The following ULK2 variants were observed in gnomAD, a reference collection of about 807,000 sequenced individuals.
ULK2 encodes the protein serine/threonine-protein kinase ULK2.
Under a neutral mutation model 127.5 loss-of-function variants are expected in ULK2, and 76 were observed. That is an observed-to-expected ratio of 0.60 (90% CI 0.50 to 0.72). The LOEUF (loss-of-function observed/expected upper bound fraction) is 0.72. Among genes scored for constraint, ULK2 ranks in the 30% least tolerant of loss-of-function variants. The probability of loss-of-function intolerance (pLI) is 0.00; values close to 1 mark genes in which losing one functional copy is unlikely to be tolerated. For synonymous variants in ULK2, 452 were observed against 461.9 expected, an observed-to-expected ratio of 0.98 and a Z score of 0.28; for missense variants, 1,144 against 1,295.9, an observed-to-expected ratio of 0.88 and a Z score of 1.80.
In ULK2 at chr17:19,867,839, G is replaced by T. The variant is rs1047710629; in HGVS notation, c.-422C>A. The T allele has an allele frequency of 6.6e-6, 1 of 150,964 alleles. No individual in the cohort carries two copies. Among genetic ancestry groups the T allele is most frequent in the African/African-American group, 2.4e-5 (1 of 41,294 alleles). The allele number at this position is 150,964 out of a possible 1,614,324, so 9.4% of individuals were successfully genotyped here. A position where few individuals can be genotyped will look rare whatever the true frequency, so the allele number is the denominator to read the frequency against. On this transcript the variant is annotated 5_prime_UTR_variant, in exon 1 of 27. Coordinates refer to ENST00000395544, the MANE Select transcript of ULK2 (RefSeq NM_014683.4). ...CTCGGGGCGCTGCTGCGACGGCGAC[G>T]GCCGCCGCCCTAGAACCCGCACCGC... is the stretch of plus-strand genomic sequence containing the variant.
At chr17:19,830,364 C>T (rs892539059) in intron 10 of ULK2, among the ~76,000 whole-genome samples, 1 of 152,072 alleles carries the variant, frequency 6.6e-6, no homozygotes, top group African/African-American at 2.4e-5. Flanking sequence ...CTACACCCAG[C>T]TAATTTTTAA....
intron 2 of ULK2, among the ~76,000 whole-genome samples, 195 bp from the exon 3 acceptor site, chr17:19,865,039 G>T (rs1055916130): frequency 6.6e-6 from 1 of 151,988 alleles, no homozygotes. Context: ...AAGAAAATAT[G>T]ATTTTTAGCT....
At chr17:19,818,195 C>T (rs886428621) in intron 12 of ULK2, among the ~76,000 whole-genome samples, 4 of 151,892 alleles carry the variant, frequency 2.6e-5, no homozygotes, top group Admixed American at 2.0e-4. Flanking sequence ...TGACGGCGGG[C>T]GCCTGTAGTC....
chr17:19,865,078 T>C (rs2042324948), intron 2 of ULK2, among the ~76,000 whole-genome samples: 1 of 152,070 alleles, frequency 6.6e-6, no homozygotes, highest in Admixed American at 6.6e-5. Context: ...AAAAAAGAGC[T>C]CTCCACAGGA....
intron 23 of ULK2, among the ~76,000 whole-genome samples, chr17:19,781,440 G>T (rs752172352): frequency 5.1e-4 from 78 of 151,866 alleles, no homozygotes; most frequent in Admixed American, 9.2e-4. Flanking sequence ...TAGAGACAGG[G>T]ATTCATCATA....
chr17:19,863,084 G>A (rs1015809008), intron 3 of ULK2, among the ~76,000 whole-genome samples: 2 of 152,152 alleles, frequency 1.3e-5, no homozygotes, highest in South Asian at 4.2e-4. Context: ...CTTGGTGGCA[G>A]GCGCCTATAA....
At chr17:19,784,513 CTTTTTTTTTTTTTT>C (rs563736244) in intron 21 of ULK2, among the ~76,000 whole-genome samples, 4 of 45,098 alleles carry the variant, frequency 8.9e-5, no homozygotes, top group South Asian at 1.8e-3. Flanking sequence ...GGACATGATA[CTTTTTTTTTTTTTT>C]TTTTTTTTTT....
intron 5 of ULK2, chr17:19,848,361 A>G (rs891983155): frequency 1.3e-5 from 2 of 152,236 alleles, no homozygotes. Context: ...ATTTGTAAAT[A>G]AGAGAGAAAT....
At chr17:19,782,166 C>T in intron 22 of ULK2, 99 bp from the exon 23 acceptor site, 2 of 1,199,302 alleles carry the variant, frequency 1.7e-6, no homozygotes, top group Non-Finnish European at 2.3e-6. Context: ...GTTTTCTATA[C>T]TTATGAGTAT....
chr17:19,811,678 G>A (rs1311028083), intron 13 of ULK2, among the ~76,000 whole-genome samples: 1 of 152,088 alleles, frequency 6.6e-6, no homozygotes, highest in Non-Finnish European at 1.5e-5. Flanking sequence ...CTGACCTCAA[G>A]TGATCTGCCC....
chr17:19,866,509 A>AAAAT (rs562763958), intron 1 of ULK2, among the ~76,000 whole-genome samples: 37 of 152,254 alleles, frequency 2.4e-4, no homozygotes, highest in Admixed American at 7.2e-4. Context: ...CTCTGTCTCA[A>AAAAT]AAATAAATAA....
chr17:19,831,348 G>C (rs544578582), intron 10 of ULK2, among the ~76,000 whole-genome samples: 1 of 152,050 alleles, frequency 6.6e-6, no homozygotes, highest in South Asian at 2.1e-4. Flanking sequence ...GATGAGATCT[G>C]GGTGGGACAC....
At chr17:19,814,433 T>TATATAC (rs2040923196) in intron 13 of ULK2, among the ~76,000 whole-genome samples, 2 of 24,000 alleles carry the variant, frequency 8.3e-5, no homozygotes, top group African/African-American at 3.5e-4. Flanking sequence ...TATATATATA[T>TATATAC]ATATATTTTT....
rs549112646 is a variant in ULK2 at position 19,833,546 on chromosome 17, TA to T, written c.787+4954del. Among the ~76,000 whole-genome samples, 322 of 151,776 alleles carry T rather than the reference TA, an allele frequency of 2.1e-3. 1 individual carries two copies. The highest frequency in any genetic ancestry group is 7.5e-3 in the African/African-American group (310 of 41,388). ...CCACATGGTGAAACCCCGACTCTAT[TA>T]AAAACACAAAAAATTAGCTGGGCAT... On this transcript the variant is annotated intron_variant, in intron 10 of 26. Coordinates refer to ENST00000395544, the MANE Select transcript of ULK2 (RefSeq NM_014683.4).
At chr17:19,847,105 C>T (rs1165471331) in intron 5 of ULK2, among the ~76,000 whole-genome samples, 195 bp from the exon 6 acceptor site, 1 of 152,156 alleles carries the variant, frequency 6.6e-6, no homozygotes, top group Non-Finnish European at 1.5e-5. Context: ...TGTAGTCAAT[C>T]TGTTGTAAAG....
intron 12 of ULK2, among the ~76,000 whole-genome samples, chr17:19,821,428 TGG>T (rs11325637): frequency 1.3e-5 from 2 of 152,138 alleles, no homozygotes; most frequent in East Asian, 1.9e-4. Context: ...TTTTTTGTTT[TGG>T]GGGGGGCCTA....
At chr17:19,823,478 A>AT (rs1315648004) in intron 12 of ULK2, among the ~76,000 whole-genome samples, 1 of 151,936 alleles carries the variant, frequency 6.6e-6, no homozygotes, top group Non-Finnish European at 1.5e-5. Context: ...AGGCTCCTTT[A>AT]TGTTTGCTCT....
At chr17:19,825,768 C>T (rs890149693) in intron 11 of ULK2, among the ~76,000 whole-genome samples, 2 of 151,286 alleles carry the variant, frequency 1.3e-5, no homozygotes, top group African/African-American at 2.4e-5. Context: ...GGGTGGATCA[C>T]CTGAGGTCCG....
chr17:19,778,135 C>A (rs1419654778), intron 25 of ULK2, among the ~76,000 whole-genome samples: 1 of 152,162 alleles, frequency 6.6e-6, no homozygotes, highest in African/African-American at 2.4e-5. Context: ...CTTTTTCTAG[C>A]CAAATAATTT....
Sources: gnomAD v4.1 joint callset for allele counts (sites outside exome capture counted in the v4.1 genomes callset) on GRCh38, gnomAD v4.1.1 for gene constraint, MANE v1.5 for transcripts, NCBI Gene and HGNC (gene_info 2026-07-23, HGNC 2026-07-21) for gene names.